Variants in TTLL7 observed in about 807,000 individuals in gnomAD.
TTLL7 encodes tubulin tyrosine ligase like 7, also known as tubulin polyglutamylase TTLL7.
A neutral mutation model predicts 120.2 loss-of-function variants in TTLL7; 53 were observed. That is an observed-to-expected ratio of 0.44 (90% CI 0.35 to 0.55). The LOEUF is 0.55. TTLL7 is among the 20% of genes least tolerant of loss of function. The pLI is 0.00. For synonymous variants in TTLL7, 353 were observed against 351.7 expected, an observed-to-expected ratio of 1.00 and a Z score of -0.04; for missense variants, 803 against 1,054.7, an observed-to-expected ratio of 0.76 and a Z score of 3.31.
At chr1:83,884,923 G>A (rs915927317) in intron 19 of TTLL7, among the ~76,000 whole-genome samples, 1 of 151,682 alleles carries the variant, frequency 6.6e-6, no homozygotes, top group South Asian at 2.1e-4. Context: ...GCAAAGGAAT[G>A]AAAATTATTT....
intron 14 of TTLL7, chr1:83,912,302 A>G (rs141534345): frequency 3.9e-5 from 6 of 152,280 alleles, no homozygotes; most frequent in African/African-American, 1.4e-4. Flanking sequence ...AGTCCTCCCA[A>G]TCAATGTGTT....
At chr1:83,950,980 A>G (rs1336997923) in intron 3 of TTLL7, among the ~76,000 whole-genome samples, 1 of 152,206 alleles carries the variant, frequency 6.6e-6, no homozygotes, top group African/African-American at 2.4e-5. Context: ...AGTATATGAG[A>G]GACACTGCCT....
intron 6 of TTLL7, among the ~76,000 whole-genome samples, chr1:83,943,664 G>T (rs909775854): frequency 6.6e-6 from 1 of 152,198 alleles, no homozygotes; most frequent in Admixed American, 6.5e-5. Context: ...AACAAATTGC[G>T]TAGAGGGGGA....
chr1:83,940,728 T>C (rs1647874369), intron 7 of TTLL7, among the ~76,000 whole-genome samples: 1 of 152,128 alleles, frequency 6.6e-6, no homozygotes, highest in South Asian at 2.1e-4. Context: ...CCTTTTTCCT[T>C]CCATATATGG....
At chr1:83,926,804 G>A (rs886853507) in intron 10 of TTLL7, among the ~76,000 whole-genome samples, 3 of 152,148 alleles carry the variant, frequency 2.0e-5, no homozygotes, top group Non-Finnish European at 2.9e-5. Context: ...TCATGGGATT[G>A]TGAATGTCTT....
At chr1:83,923,663 C>T (rs893579722) in intron 10 of TTLL7, among the ~76,000 whole-genome samples, 5 of 152,126 alleles carry the variant, frequency 3.3e-5, no homozygotes, top group African/African-American at 1.2e-4. Context: ...ACTTTCTGGC[C>T]CTTAGGAATA....
intron 1 of TTLL7, among the ~76,000 whole-genome samples, chr1:83,984,886 C>G (rs924211885): frequency 1.3e-5 from 2 of 151,796 alleles, no homozygotes; most frequent in Non-Finnish European, 2.9e-5. Context: ...TGCAATATAC[C>G]CAGGTAACAA....
At chr1:83,925,664 A>C (rs1388274683) in intron 10 of TTLL7, among the ~76,000 whole-genome samples, 1 of 152,198 alleles carries the variant, frequency 6.6e-6, no homozygotes, top group Middle Eastern at 3.2e-3. Flanking sequence ...CTTTCATGTG[A>C]ATCGTTTTGC....
intron 9 of TTLL7, 53 bp from the exon 10 acceptor site, chr1:83,929,283 A>G: frequency 1.5e-6 from 2 of 1,370,902 alleles, no homozygotes; most frequent in Non-Finnish European, 2.1e-6. Context: ...TTCAATACAT[A>G]TTTGTTAATC....
chr1:83,975,715 A>G (rs1020111057), intron 1 of TTLL7, among the ~76,000 whole-genome samples: 72 of 152,242 alleles, frequency 4.7e-4, no homozygotes, highest in African/African-American at 1.6e-3. Context: ...CCGTGCTGAA[A>G]AAGAGCCAAT....
chr1:83,904,000 C>T lies in TTLL7; in HGVS notation c.2208+79G>A, dbSNP rs1194011109. The T allele has an allele frequency of 1.3e-5, 14 of 1,037,516 alleles. No homozygotes were observed. The East Asian group carries it at 2.9e-4, about 22-fold the overall frequency. The allele number at this position is 1,037,516 out of a possible 1,614,324, so 64.3% of individuals were successfully genotyped here. On this transcript the variant is annotated intron_variant, in intron 18 of 20. Transcript: ENST00000260505. The stretch of plus-strand genomic sequence containing the variant: ...GTAAACAAATGAGCAAATATACAGT[C>T]TGTCTATGAATTTGGCTTAATGATC...
At chr1:83,907,397 C>T in intron 16 of TTLL7, 59 bp downstream of exon 16, 1 of 1,460,240 alleles carries the variant, frequency 6.8e-7, no homozygotes, top group African/African-American at 1.4e-5. Flanking sequence ...CTCATCTGAT[C>T]CCCTTTGCCT....
At chr1:83,928,037 G>C (rs1383755339) in intron 10 of TTLL7, among the ~76,000 whole-genome samples, 2 of 152,108 alleles carry the variant, frequency 1.3e-5, no homozygotes, top group Non-Finnish European at 2.9e-5. Flanking sequence ...TTAGTTTTAA[G>C]TCTAGAAATT....
chr1:83,942,351 A>G, intron 7 of TTLL7, 112 bp downstream of exon 7: 1 of 827,930 alleles, frequency 1.2e-6, no homozygotes. Flanking sequence ...CCAGACCACA[A>G]AAACCTGAGA....
At chr1:83,931,206 T>G (rs764424664) in intron 9 of TTLL7, among the ~76,000 whole-genome samples, 5 of 152,020 alleles carry the variant, frequency 3.3e-5, no homozygotes, top group African/African-American at 4.8e-5. Flanking sequence ...ATTCAACAGC[T>G]TGTAAATGCA....
intron 14 of TTLL7, 58 bp downstream of exon 14, chr1:83,917,546 G>C (rs1293436528): frequency 9.0e-6 from 11 of 1,218,634 alleles, no homozygotes; most frequent in Non-Finnish European, 1.3e-5. Context: ...ATAGTGAGAA[G>C]TATCAAGGGC....
chr1:83,930,576 A>G (rs61766872), intron 9 of TTLL7, among the ~76,000 whole-genome samples: 12,399 of 152,272 alleles, frequency 0.081, 683 homozygotes, highest in Middle Eastern at 0.15. Flanking sequence ...GGGTAAAGTA[A>G]TATATTTTAT....
rs1657324774 is a variant in TTLL7 at position 83,907,718 on chromosome 1, C to T, written c.1787-57G>A. 22 of 1,492,030 alleles carry T rather than the reference C, an allele frequency of 1.5e-5. No homozygotes were observed. The South Asian group carries it at 1.8e-4, about 12-fold the overall frequency. The allele number at this position is 1,492,030 out of a possible 1,614,324, so 92.4% of individuals were successfully genotyped here. The stretch of plus-strand genomic sequence containing the variant: ...TAGCAGTATTAATACAAGTTTTTCA[C>T]TGTATGAAGTCTATATAAACTAAAG... On this transcript the variant is annotated intron_variant, in intron 15 of 20. Transcript: ENST00000260505.
chr1:83,922,495 C>T (rs1658761165), intron 10 of TTLL7, among the ~76,000 whole-genome samples: 1 of 152,106 alleles, frequency 6.6e-6, no homozygotes, highest in African/African-American at 2.4e-5. Context: ...ACAACTTGAC[C>T]TTGCAGGAAT....
Sources: gnomAD v4.1 joint callset for allele counts (sites outside exome capture counted in the v4.1 genomes callset) on GRCh38, gnomAD v4.1.1 for gene constraint, MANE v1.5 for transcripts, NCBI Gene and HGNC (gene_info 2026-07-23, HGNC 2026-07-21) for gene names.